Variants in TADA2A observed in about 807,000 individuals in gnomAD.
TADA2A encodes the protein transcriptional adaptor 2A, also known as transcriptional adapter 2-alpha.
TADA2A carries 38 observed loss-of-function variants against 67.4 expected under a neutral mutation model. That is an observed-to-expected ratio of 0.56 (90% CI 0.44 to 0.74). TADA2A has a LOEUF of 0.74. Among genes scored for constraint, TADA2A ranks in the 30% least tolerant of loss-of-function variants. The pLI, the probability that TADA2A is intolerant of heterozygous loss-of-function variation, is 0.00. For synonymous variants in TADA2A, 192 were observed against 181.6 expected (o/e 1.06, Z -0.46); for missense variants, 454 against 547.0 (o/e 0.83, Z 1.70).
chr17:37,416,831 C>T (rs1405801134), intron 2 of TADA2A, among the ~76,000 whole-genome samples: 1 of 151,722 alleles, frequency 6.6e-6, no homozygotes, highest in South Asian at 2.1e-4. Context: ...CACCACTACA[C>T]TCCAGCCTTC....
At chr17:37,411,845 A>G (rs2051883370) in intron 2 of TADA2A, among the ~76,000 whole-genome samples, 1 of 142,582 alleles carries the variant, frequency 7.0e-6, no homozygotes, top group Non-Finnish European at 1.6e-5. Flanking sequence ...ATGAGTATCA[A>G]AATAAAATCA....
chr17:37,436,281 C>G (rs1033585225), intron 4 of TADA2A: 31 of 152,044 alleles, frequency 2.0e-4, no homozygotes, highest in African/African-American at 7.0e-4. Context: ...TGAAATAGTT[C>G]CTTTCTGTGT....
chr17:37,468,515 CA>C (rs1421313330), intron 12 of TADA2A, among the ~76,000 whole-genome samples: 1 of 151,586 alleles, frequency 6.6e-6, no homozygotes, highest in Non-Finnish European at 1.5e-5. Context: ...TGATTCTATC[CA>C]AATTTATTTT....
At chr17:37,422,479 C>CTGATGA (rs1355232116) in intron 2 of TADA2A, among the ~76,000 whole-genome samples, 119 of 76,764 alleles carry the variant, frequency 1.6e-3, no homozygotes, top group African/African-American at 5.5e-3. Flanking sequence ...CCATGCCCAG[C>CTGATGA]TGATTATTAT....
chr17:37,409,798 G>A (rs537188005), intron 1 of TADA2A, among the ~76,000 whole-genome samples: 2 of 152,030 alleles, frequency 1.3e-5, no homozygotes, highest in South Asian at 4.2e-4. Flanking sequence ...ACAAAAAGCT[G>A]TGAGTGTACA....
chr17:37,408,354 G>T (rs1025013245), intron 1 of TADA2A: 1 of 152,268 alleles, frequency 6.6e-6, no homozygotes, highest in Non-Finnish European at 1.5e-5. Flanking sequence ...CCGGGTTCAA[G>T]CAGTTCTCTT....
In TADA2A at chr17:37,440,278, T is replaced by C. The variant is rs947541303; in HGVS notation, c.285-227T>C. ...CTTTAAGTGGAAAAGAAAGGACTTTTTAGTCATTATTTCTGTGTTTTAGAC... is the reference window on the plus strand; with the variant it reads ...CTTTAAGTGGAAAAGAAAGGACTTTCTAGTCATTATTTCTGTGTTTTAGAC... On this transcript the variant is annotated intron_variant, in intron 5 of 15. Coordinates refer to ENST00000615182, the MANE Select transcript of TADA2A (RefSeq NM_001166105.3). Among the ~76,000 whole-genome samples, 3 of 152,174 alleles carry C rather than the reference T, an allele frequency of 2.0e-5. No homozygotes were observed. The South Asian group carries it at 6.2e-4, about 31-fold the overall frequency.
intron 10 of TADA2A, 130 bp from the exon 11 acceptor site, chr17:37,465,300 AT>A: frequency 1.5e-6 from 1 of 665,350 alleles, no homozygotes; most frequent in South Asian, 2.1e-5. Context: ...GCTTCCTGTC[AT>A]GGATAAGTTA....
Position 37,467,354 on chromosome 17 carries a change from T to G in TADA2A, c.824-100T>G. 3.2e-6 allele frequency: 3 copies of G among 937,980 alleles called. No individual in the cohort carries two copies. The South Asian group carries it at 4.6e-5, about 14-fold the overall frequency. The allele number at this position is 937,980 out of a possible 1,614,324, so 58.1% of individuals were successfully genotyped here. A position where few individuals can be genotyped will look rare whatever the true frequency, so the allele number is the denominator to read the frequency against. On this transcript the variant is annotated intron_variant, in intron 11 of 15. Transcript: ENST00000615182. ...ATTCTCCAAATGAACTTCCCTAGTC[T>G]TATAAGGCAGAATTAATGAAAATGC...
At position 37,440,493 on chromosome 17, in the gene TADA2A, A is replaced by G. The variant is rs781668330; in HGVS notation, c.285-12A>G. 5.0e-6 allele frequency: 8 copies of G among 1,611,818 alleles called. No individual in the cohort carries two copies. Among genetic ancestry groups the G allele is most frequent in the African/African-American group, 4.0e-5 (3 of 74,764 alleles). On this transcript the variant is annotated splice_polypyrimidine_tract_variant and intron_variant, in intron 5 of 15. Coordinates refer to ENST00000615182, the MANE Select transcript of TADA2A (RefSeq NM_001166105.3). Reference sequence around the variant, plus strand: ...CAAGTACCACTTCTCTCTTTTTCCCACAATCCTCTAGGCAGGATGTAGCCA... The same window carrying G: ...CAAGTACCACTTCTCTCTTTTTCCCGCAATCCTCTAGGCAGGATGTAGCCA...
Position 37,459,981 on chromosome 17 carries a change from G to C in TADA2A, c.668+1394G>C, listed in dbSNP as rs373029673. Among the ~76,000 whole-genome samples the C allele has an allele frequency of 2.9e-4, 44 of 151,562 alleles. No homozygotes were observed. The East Asian group carries it at 7.5e-3, about 26-fold the overall frequency. On this transcript the variant is annotated intron_variant, in intron 9 of 15. Transcript: ENST00000615182. ...CTCGGGAGGCTGAGGCAGGAGAATT[G>C]CTTGAACCTGGGAGACGGAGGTTGC...
intron 2 of TADA2A, among the ~76,000 whole-genome samples, chr17:37,415,172 G>A (rs776835321): frequency 1.1e-4 from 17 of 152,078 alleles, no homozygotes; most frequent in Admixed American, 9.2e-4. Context: ...ACAAGCCACC[G>A]TGCCTGGCCT....
At position 37,442,613 on chromosome 17, in the gene TADA2A, C is replaced by T. The variant is rs2052955683; in HGVS notation, c.492C>T (p.Asp164=). 1.2e-6 allele frequency: 2 copies of T among 1,614,012 alleles called. No individual in the cohort carries two copies. The highest frequency in any genetic ancestry group is 1.1e-5 in the South Asian group (1 of 91,058). The part of the protein sequence containing the change: ...RPTFDSLLSR[D]MAGYMPARAD... ...CCTTTGACTCCTTGCTTTCTCGGGA[C>T]ATGGCCGGGTACATGCCAGCTCGAG... Residue 164 remains aspartate (D), a synonymous_variant, in exon 7 of 16, where the codon GAC becomes GAT. Coordinates refer to ENST00000615182, the MANE Select transcript of TADA2A (RefSeq NM_001166105.3).
At chr17:37,410,469 C>T (rs1190876703) in intron 1 of TADA2A, among the ~76,000 whole-genome samples, 1 of 151,952 alleles carries the variant, frequency 6.6e-6, no homozygotes, top group Non-Finnish European at 1.5e-5. Context: ...AGCCACTGTG[C>T]CTGGCCCTGT....
intron 8 of TADA2A, among the ~76,000 whole-genome samples, chr17:37,446,103 G>T (rs867308557): frequency 0.023 from 2,651 of 116,920 alleles, 33 homozygotes; most frequent in South Asian, 0.05. Flanking sequence ...TTTTGGGGGG[G>T]TTTTTTTTTT....
intron 12 of TADA2A, among the ~76,000 whole-genome samples, chr17:37,468,533 C>CT (rs1208253095): frequency 9.3e-4 from 135 of 144,702 alleles, no homozygotes; most frequent in East Asian, 4.0e-3. Context: ...TTTTTCTTTC[C>CT]TTTTTTTTTT....
chr17:37,411,315 G>C lies in TADA2A; in HGVS notation c.-51G>C. The C allele has an allele frequency of 1.2e-6, 2 of 1,607,010 alleles. No individual in the cohort carries two copies. The highest frequency in any genetic ancestry group is 1.7e-6 in the Non-Finnish European group (2 of 1,173,894). ...ATGTGTTGGCCGGTTCTGAAGTCTTGAAGAAGCTCTGCTGAGGAAGACCAA... is the reference window on the plus strand; with the variant it reads ...ATGTGTTGGCCGGTTCTGAAGTCTTCAAGAAGCTCTGCTGAGGAAGACCAA... On this transcript the variant is annotated 5_prime_UTR_variant, in exon 2 of 16. The change abolishes the stop of an existing upstream ORF in the 5' untranslated region. Coordinates refer to ENST00000615182, the MANE Select transcript of TADA2A (RefSeq NM_001166105.3).
At position 37,411,264 on chromosome 17, in the gene TADA2A, C is replaced by A; in HGVS notation, c.-97-5C>A. ...GATCCATGTGCCACTTTTGTTTGTT[C>A]CTAGGGAGTCATCAAGCTTTGGTGT... On this transcript the variant is annotated splice_polypyrimidine_tract_variant and splice_region_variant and intron_variant, in intron 1 of 15. Transcript: ENST00000615182. The A allele has an allele frequency of 9.1e-7, 1 of 1,096,360 alleles. No homozygotes were observed. The highest frequency in any genetic ancestry group is 1.4e-6 in the Non-Finnish European group (1 of 714,428). The allele number at this position is 1,096,360 out of a possible 1,614,324, so 67.9% of individuals were successfully genotyped here.
rs1223310278 is a variant in TADA2A at position 37,458,558 on chromosome 17, C to T, written c.639C>T (p.Ser213=). 5 of 1,611,994 alleles carry T rather than the reference C, an allele frequency of 3.1e-6. No homozygotes were observed. The highest frequency in any genetic ancestry group is 1.7e-4 in the Middle Eastern group (1 of 5,992). The change falls in exon 9 of 16, where the codon TCC becomes TCT. Residue 213 remains serine, a synonymous_variant. Coordinates refer to ENST00000615182, the MANE Select transcript of TADA2A (RefSeq NM_001166105.3). ...TGGCTGTGGTAGATATCTATCATTC[C>T]AGGTTAAAGGAGAGACAAAGACGAA... ...LKMAVVDIYH[S]RLKERQRRKK... is the part of the protein sequence containing the mutation.
Sources: gnomAD v4.1 joint callset for allele counts (sites outside exome capture counted in the v4.1 genomes callset) on GRCh38, gnomAD v4.1.1 for gene constraint, MANE v1.5 for transcripts, NCBI Gene and HGNC (gene_info 2026-07-23, HGNC 2026-07-21) for gene names.